Variants in RND2 observed in about 807,000 individuals in gnomAD.
The protein encoded by RND2 is Rho family GTPase 2, also known as rho-related GTP-binding protein RhoN.
In RND2, 16 loss-of-function variants were observed where a neutral mutation model predicts 25.9. That is an observed-to-expected ratio of 0.62 (90% CI 0.42 to 0.94). The LOEUF (loss-of-function observed/expected upper bound fraction) is 0.94, where lower values mean the gene tolerates loss of function less well. RND2 is among the 40% of genes least tolerant of loss of function. The pLI, the probability that RND2 is intolerant of heterozygous loss-of-function variation, is 0.00. For synonymous variants in RND2, 97 were observed against 118.1 expected, an observed-to-expected ratio of 0.82 and a Z score of 1.16; for missense variants, 276 against 305.5, an observed-to-expected ratio of 0.90 and a Z score of 0.72.
chr17:43,028,249 C>G, intron 4 of RND2, 54 bp downstream of exon 4: 1 of 1,608,654 alleles, frequency 6.2e-7, no homozygotes, highest in Non-Finnish European at 8.5e-7. Context: ...ACCTCTGCCC[C>G]TTCAGTCTCT....
chr17:43,027,176 C>A lies in RND2; in HGVS notation c.191-7C>A. 1 of 1,585,540 alleles carries A rather than the reference C, an allele frequency of 6.3e-7. No individual in the cohort carries two copies. The highest frequency in any genetic ancestry group is 8.6e-7 in the Non-Finnish European group (1 of 1,162,340). On this transcript the variant is annotated splice_region_variant and splice_polypyrimidine_tract_variant and intron_variant, in intron 2 of 4. Transcript: ENST00000587250. ...ACTCAGGCCCCTCATGCCCTGTCTTCCTTCAGGTTCCTCTTACTATGATAA... is the reference window on the plus strand; with the variant it reads ...ACTCAGGCCCCTCATGCCCTGTCTTACTTCAGGTTCCTCTTACTATGATAA...
In RND2 at chr17:43,025,285, G is replaced by C. The variant is rs1384981314; in HGVS notation, c.-63G>C. The C allele has an allele frequency of 2.1e-6, 3 of 1,409,180 alleles. No homozygotes were observed. The South Asian group carries it at 4.1e-5, about 19-fold the overall frequency. 87.3% of individuals were successfully genotyped at this position (1,409,180 alleles called of 1,614,324 possible). A position where few individuals can be genotyped will look rare whatever the true frequency, so the allele number is the denominator to read the frequency against. ...CCCGAGCGGCTGCAGTTGCAGGGGCGGGGGAGGCGGCGGCGGGGCCCGGGA... is the reference window on the plus strand; with the variant it reads ...CCCGAGCGGCTGCAGTTGCAGGGGCCGGGGAGGCGGCGGCGGGGCCCGGGA... On this transcript the variant is annotated 5_prime_UTR_variant, in exon 1 of 5. Transcript: ENST00000587250.
rs2050671680 is a variant in RND2, at chr17:43,031,496, G to A, written c.*2816G>A. On this transcript the variant is annotated 3_prime_UTR_variant, in exon 5 of 5. Transcript: ENST00000587250. ...CCCACAAGGACCTGCCATAAAAATC[G>A]ACTTGCGATTTTTAGCTGAGTGGCT... 1.3e-5 allele frequency: 2 copies of A among 152,142 alleles called. No individual in the cohort carries two copies. Among genetic ancestry groups the A allele is most frequent in the Non-Finnish European group, 2.9e-5 (2 of 68,044 alleles). The allele number at this position is 152,142 out of a possible 1,614,324, so 9.4% of individuals were successfully genotyped here. A position where few individuals can be genotyped will look rare whatever the true frequency, so the allele number is the denominator to read the frequency against.
intron 1 of RND2, 139 bp from the exon 2 acceptor site, chr17:43,025,821 C>CCGGGA: frequency 4.9e-6 from 1 of 204,120 alleles, no homozygotes; most frequent in Non-Finnish European, 8.8e-6. Context: ...GCAGGAGCTC[C>CCGGGA]CGGGATCTCC....
At chr17:43,027,337 A>T (rs1175665374) in intron 3 of RND2, 45 bp downstream of exon 3, 9 of 1,312,586 alleles carry the variant, frequency 6.9e-6, no homozygotes, top group East Asian at 4.7e-5. Context: ...GGGGGACCAG[A>T]CCACCATGGT....
Position 43,027,269 on chromosome 17 carries a change from A to G in RND2, c.277A>G (p.Thr93Ala). 1 of 1,612,484 alleles carries G rather than the reference A, an allele frequency of 6.2e-7. No individual in the cohort carries two copies. Reference sequence around the variant, plus strand: ...CTGCTTCGACATTAGCCGACCAGAAACACTGGACAGTGTTCTCAAGAAGGT... The same window carrying G: ...CTGCTTCGACATTAGCCGACCAGAAGCACTGGACAGTGTTCTCAAGAAGGT... ...LICFDISRPETLDSVLKKWQG... is the reference protein window; with the variant it reads ...LICFDISRPEALDSVLKKWQG... The change falls in exon 3 of 5, where the codon ACA becomes GCA. Residue 93 changes from threonine (T) to alanine (A), a missense_variant. Coordinates refer to ENST00000587250, the MANE Select transcript of RND2 (RefSeq NM_005440.5).
At chr17:43,026,177 A>G (rs1334535571) in intron 2 of RND2, 130 bp downstream of exon 2, 1 of 593,312 alleles carries the variant, frequency 1.7e-6, no homozygotes, top group Non-Finnish European at 3.1e-6. Context: ...AAAAATCAAT[A>G]TTCTGCTAAA....
At chr17:43,025,823 G>T in intron 1 of RND2, 137 bp from the exon 2 acceptor site, 1 of 226,130 alleles carries the variant, frequency 4.4e-6, no homozygotes, top group East Asian at 1.1e-4. Context: ...AGGAGCTCCC[G>T]GGATCTCCCC....
chr17:43,025,467 T>A lies in RND2; in HGVS notation c.102+18T>A. The A allele has an allele frequency of 8.3e-7, 1 of 1,209,964 alleles. No individual in the cohort carries two copies. The highest frequency in any genetic ancestry group is 1.0e-6 in the Non-Finnish European group (1 of 957,704). 75.0% of individuals were successfully genotyped at this position (1,209,964 alleles called of 1,614,324 possible). A position where few individuals can be genotyped will look rare whatever the true frequency, so the allele number is the denominator to read the frequency against. On this transcript the variant is annotated intron_variant, in intron 1 of 4. Transcript: ENST00000587250. ...ATCCCGGGGTGAGGGACCTGCGTCT[T>A]GGGAGGGGGACGCTAAGGCTGCTGG... is the stretch of plus-strand genomic sequence containing the variant.
intron 4 of RND2, 94 bp from the exon 5 acceptor site, chr17:43,028,338 T>A: frequency 6.3e-7 from 1 of 1,583,368 alleles, no homozygotes; most frequent in Non-Finnish European, 8.6e-7. Flanking sequence ...GCCCCCAGCC[T>A]TGACATTCAA....
In RND2 at chr17:43,028,413, G is replaced by A. The variant is rs1032699483; in HGVS notation, c.436-19G>A. On this transcript the variant is annotated intron_variant, in intron 4 of 4. Transcript: ENST00000587250. Reference sequence around the variant, plus strand: ...GCTAAGACCTATAACTTTCTCCCATGCACTCCTTCCTTTTCCAGGGCACTG... The same window carrying A: ...GCTAAGACCTATAACTTTCTCCCATACACTCCTTCCTTTTCCAGGGCACTG... 1 of 1,610,670 alleles carries A rather than the reference G, an allele frequency of 6.2e-7. No homozygotes were observed. Among genetic ancestry groups the A allele is most frequent in the Non-Finnish European group, 8.5e-7 (1 of 1,177,240 alleles).
chr17:43,028,258 C>T, intron 4 of RND2, 63 bp downstream of exon 4: 5 of 1,606,900 alleles, frequency 3.1e-6, no homozygotes, highest in Non-Finnish European at 3.4e-6. Context: ...CCTTCAGTCT[C>T]TGATTTGAAA....
rs908729644 is a variant in RND2, at chr17:43,028,849, TCTC to T, written c.*177_*179del. 1.3e-5 allele frequency: 12 copies of T among 947,596 alleles called. No individual in the cohort carries two copies. The highest frequency in any genetic ancestry group is 1.8e-5 in the Non-Finnish European group (12 of 652,268). 58.7% of individuals were successfully genotyped at this position (947,596 alleles called of 1,614,324 possible). On this transcript the variant is annotated 3_prime_UTR_variant, in exon 5 of 5. Coordinates refer to ENST00000587250, the MANE Select transcript of RND2 (RefSeq NM_005440.5). ...GGCAGAAGGGTATCATCGTTTCTCA[TCTC>T]CTCCTCCCTCCTCTTCTCCAGTGGA...
In RND2 at chr17:43,025,314, G is replaced by T. The variant is rs1451539795; in HGVS notation, c.-34G>T. On this transcript the variant is annotated 5_prime_UTR_variant, in exon 1 of 5. Coordinates refer to ENST00000587250, the MANE Select transcript of RND2 (RefSeq NM_005440.5). ...GAGGCGGCGGCGGGGCCCGGGAGAG[G>T]GGTGGCGTGGGGGACCGGCGCGTAG... is the stretch of plus-strand genomic sequence containing the variant. 2 of 1,508,528 alleles carry T rather than the reference G, an allele frequency of 1.3e-6. No individual in the cohort carries two copies. Among genetic ancestry groups the T allele is most frequent in the Non-Finnish European group, 1.8e-6 (2 of 1,127,952 alleles). 93.4% of individuals were successfully genotyped at this position (1,508,528 alleles called of 1,614,324 possible).
Position 43,028,615 on chromosome 17 carries a change from C to T in RND2, c.619C>T (p.Arg207Trp), listed in dbSNP as rs368469044. 9.2e-5 allele frequency: 148 copies of T among 1,612,638 alleles called. No homozygotes were observed. The highest frequency in any genetic ancestry group is 5.0e-4 in the Admixed American group (30 of 59,778). Residue 207 changes from arginine (R) to tryptophan (W), a missense_variant, in exon 5 of 5, where the codon CGG (arginine) becomes TGG (tryptophan). Physicochemically the swap from Arg to Trp is moderately radical, Grantham distance 101. Transcript: ENST00000587250. ...GCAGCGATCCGCTCAGCTGTCAGGACGGCCAGACCGGGGGAATGAGGGCGA... is the reference window on the plus strand; with the variant it reads ...GCAGCGATCCGCTCAGCTGTCAGGATGGCCAGACCGGGGGAATGAGGGCGA... The part of the protein sequence containing the change: ...GMQRSAQLSG[R>W]PDRGNEGEIH...
rs370948413 is a variant in RND2, at chr17:43,028,654, C to T, written c.658C>T (p.Arg220Ter). 30 of 1,590,082 alleles carry T rather than the reference C, an allele frequency of 1.9e-5. No homozygotes were observed. Among genetic ancestry groups the T allele is most frequent in the African/African-American group, 9.4e-5 (7 of 74,406 alleles). ...GAATGAGGGCGAGATACACAAGGAT[C>T]GAGCCAAAAGCTGCAACCTCATGTG... ...RGNEGEIHKD[R>*]AKSCNLM The change falls in exon 5 of 5, where the codon CGA becomes TGA. Residue 220 changes from arginine to a stop codon, truncating the protein, a stop_gained. Coordinates refer to ENST00000587250, the MANE Select transcript of RND2 (RefSeq NM_005440.5). LOFTEE classifies it high-confidence loss of function.
At position 43,025,912 on chromosome 17, in the gene RND2, G is replaced by A. The variant is rs749543833; in HGVS notation, c.103-48G>A. On this transcript the variant is annotated intron_variant, in intron 1 of 4. Coordinates refer to ENST00000587250, the MANE Select transcript of RND2 (RefSeq NM_005440.5). ...GGAGTGAGGAGGGCATTTATCTGGG[G>A]TGAGGACTTGGAGAGATGATCTCAT... 329 of 1,434,412 alleles carry A rather than the reference G, an allele frequency of 2.3e-4. 2 individuals are homozygous for A. In the Middle Eastern group the frequency reaches 3.2e-3, roughly 14 times the overall value. The allele number at this position is 1,434,412 out of a possible 1,614,324, so 88.9% of individuals were successfully genotyped here.
chr17:43,028,979 C>A lies in RND2; in HGVS notation c.*299C>A. On this transcript the variant is annotated 3_prime_UTR_variant, in exon 5 of 5. Transcript: ENST00000587250. ...CAAATGGTGACCTTGGTGGAGTCTCCTATGTGAAGAGTACCCTCCCTCTCC... is the reference window on the plus strand; with the variant it reads ...CAAATGGTGACCTTGGTGGAGTCTCATATGTGAAGAGTACCCTCCCTCTCC... 2.4e-6 allele frequency: 1 copy of A among 415,388 alleles called. No homozygotes were observed. The highest frequency in any genetic ancestry group is 4.5e-6 in the Non-Finnish European group (1 of 222,640). 25.7% of individuals were successfully genotyped at this position (415,388 alleles called of 1,614,324 possible).
At chr17:43,025,910 G>A (rs754927507) in intron 1 of RND2, 50 bp from the exon 2 acceptor site, 1 of 1,411,140 alleles carries the variant, frequency 7.1e-7, no homozygotes, top group East Asian at 2.3e-5. Flanking sequence ...CATTTATCTG[G>A]GGTGAGGACT....
Sources: allele counts gnomAD v4.1 joint callset, GRCh38; gene constraint gnomAD v4.1.1; transcripts MANE v1.5; gene names NCBI Gene and HGNC (gene_info 2026-07-23, HGNC 2026-07-21).